The following CCDC171 variants were observed in gnomAD, a reference collection of about 807,000 sequenced individuals.
The protein encoded by CCDC171 is coiled-coil domain-containing protein 171.
A neutral mutation model predicts 168.2 loss-of-function variants in CCDC171; 177 were observed. The ratio of observed to expected loss-of-function variants is 1.05; its 90% CI spans 0.93 to 1.19. The LOEUF (loss-of-function observed/expected upper bound fraction) is 1.19. Ranked by LOEUF, CCDC171 falls within the 50% of genes most tolerant of loss-of-function variation. The probability of loss-of-function intolerance (pLI) is 0.00; values close to 1 mark genes in which losing one functional copy is unlikely to be tolerated. For missense variants in CCDC171, 1,991 were observed against 1,539.0 expected (o/e 1.29, Z -4.91); for synonymous variants, 687 against 540.8 (o/e 1.27, Z -3.75).
chr9:15,844,327 TA>T (rs1211120922), intron 21 of CCDC171, among the ~76,000 whole-genome samples: 1 of 152,022 alleles, frequency 6.6e-6, no homozygotes, highest in Non-Finnish European at 1.5e-5. Flanking sequence ...TATATGTATG[TA>T]AATATATATA....
chr9:15,799,112 A>G (rs1194977208), intron 21 of CCDC171, among the ~76,000 whole-genome samples: 2 of 135,714 alleles, frequency 1.5e-5, no homozygotes, highest in African/African-American at 2.7e-5. Context: ...AAAAATAAGA[A>G]AACAATTGTC....
chr9:15,984,565 G>C (rs1246233422), intron 3 of CCDC171, among the ~76,000 whole-genome samples: 1 of 152,090 alleles, frequency 6.6e-6, no homozygotes, highest in East Asian at 1.9e-4. Flanking sequence ...GCTAGAGTAA[G>C]ATTTCTCTGT....
At chr9:15,822,905 A>G (rs902370356) in intron 21 of CCDC171, among the ~76,000 whole-genome samples, 2 of 152,266 alleles carry the variant, frequency 1.3e-5, no homozygotes, top group Non-Finnish European at 2.9e-5. Flanking sequence ...TTGTGGCACT[A>G]TTCACAATAG....
chr9:16,000,189 A>G (rs1225388618), intron 3 of CCDC171, among the ~76,000 whole-genome samples: 1 of 152,190 alleles, frequency 6.6e-6, no homozygotes, highest in Admixed American at 6.5e-5. Flanking sequence ...GAAATCCAAA[A>G]CATGCACACA....
intron 23 of CCDC171, among the ~76,000 whole-genome samples, chr9:15,871,126 G>A (rs1325670784): frequency 6.6e-6 from 1 of 151,358 alleles, no homozygotes; most frequent in Non-Finnish European, 1.5e-5. Flanking sequence ...TAGAGTAGAA[G>A]TAATATAGGT....
chr9:15,722,758 A>G (rs754536152), intron 12 of CCDC171, among the ~76,000 whole-genome samples: 2 of 152,240 alleles, frequency 1.3e-5, no homozygotes, highest in Non-Finnish European at 2.9e-5. Context: ...AAAGAAGGAA[A>G]AGTGAGTCTT....
intron 7 of CCDC171, among the ~76,000 whole-genome samples, chr9:15,638,104 T>A (rs916443980): frequency 1.3e-5 from 2 of 152,194 alleles, no homozygotes; most frequent in Non-Finnish European, 2.9e-5. Context: ...TAAATACTTT[T>A]GATAATACCA....
intron 6 of CCDC171, among the ~76,000 whole-genome samples, chr9:15,622,908 C>A (rs1319034989): frequency 6.6e-6 from 1 of 151,904 alleles, no homozygotes; most frequent in Non-Finnish European, 1.5e-5. Context: ...ATAAAAAGGG[C>A]AATATACATT....
chr9:15,856,175 T>C (rs2061341952), intron 23 of CCDC171, among the ~76,000 whole-genome samples: 1 of 151,992 alleles, frequency 6.6e-6, no homozygotes, highest in South Asian at 2.1e-4. Context: ...TTAATTTTAT[T>C]GTGGTAAGAA....
chr9:15,756,977 T>C (rs1033601745), intron 18 of CCDC171, among the ~76,000 whole-genome samples: 1 of 152,244 alleles, frequency 6.6e-6, no homozygotes, highest in African/African-American at 2.4e-5. Flanking sequence ...AATAAACCTC[T>C]TTCTTTTGTA....
chr9:15,659,174 C>T (rs1220484088), intron 8 of CCDC171, among the ~76,000 whole-genome samples: 1 of 152,132 alleles, frequency 6.6e-6, no homozygotes, highest in Non-Finnish European at 1.5e-5. Context: ...TACATTTACT[C>T]TTGACATCCT....
intron 23 of CCDC171, among the ~76,000 whole-genome samples, chr9:15,857,808 T>A (rs567292615): frequency 6.6e-6 from 1 of 152,090 alleles, no homozygotes; most frequent in African/African-American, 2.4e-5. Context: ...GTGTCTTCTT[T>A]GCACTCTTGT....
At chr9:15,975,041 C>G (rs1490357175), downstream of CCDC171, among the ~76,000 whole-genome samples, 1 of 152,116 alleles carries the variant, frequency 6.6e-6, no homozygotes, top group Non-Finnish European at 1.5e-5. Context: ...GTACCAGGGA[C>G]TACAGATGCG....
intron 6 of CCDC171, among the ~76,000 whole-genome samples, chr9:15,604,598 G>T (rs1216603261): frequency 6.6e-6 from 1 of 152,152 alleles, no homozygotes; most frequent in Non-Finnish European, 1.5e-5. Context: ...GTGACGGTAT[G>T]GGAAGTGTAG....
chr9:15,855,112 G>A (rs529706072), intron 23 of CCDC171, among the ~76,000 whole-genome samples: 2 of 151,786 alleles, frequency 1.3e-5, no homozygotes, highest in African/African-American at 4.8e-5. Context: ...TGTTGTTCAA[G>A]TCTTCTAAAT....
chr9:15,683,074 G>A (rs73644690), intron 10 of CCDC171, among the ~76,000 whole-genome samples: 3,246 of 152,004 alleles, frequency 0.021, 119 homozygotes, highest in African/African-American at 0.074. Flanking sequence ...TCTTAAGTCC[G>A]TCATTTCTTG....
chr9:15,588,750 C>T (rs1458942788), intron 4 of CCDC171: 1 of 153,886 alleles, frequency 6.5e-6, no homozygotes, highest in Non-Finnish European at 1.4e-5. Flanking sequence ...CTCTGTCACC[C>T]AGGCTGGAGT....
chr9:15,912,903 G>T (rs141799845), intron 24 of CCDC171, among the ~76,000 whole-genome samples: 1 of 152,188 alleles, frequency 6.6e-6, no homozygotes, highest in African/African-American at 2.4e-5. Context: ...GGATCATGGT[G>T]GATAAGCTTT....
At chr9:16,088,478 C>G in the CCDC171 span, among the ~76,000 whole-genome samples, 5 of 152,202 alleles carry the variant, frequency 3.3e-5, no homozygotes, top group African/African-American at 1.2e-4. Context: ...ACCCCATTGT[C>G]TCAGCCCAAA....
Sources: gnomAD v4.1 joint callset for allele counts (sites outside exome capture counted in the v4.1 genomes callset) on GRCh38, gnomAD v4.1.1 for gene constraint, MANE v1.5 for transcripts, NCBI Gene and HGNC (gene_info 2026-07-23, HGNC 2026-07-21) for gene names.